The following TSPEAR variants were observed in gnomAD, a reference collection of about 807,000 sequenced individuals.
The protein encoded by TSPEAR is thrombospondin type laminin G domain and EAR repeats, also known as thrombospondin-type laminin G domain and EAR repeat-containing protein.
A neutral mutation model predicts 71.6 loss-of-function variants in TSPEAR; 69 were observed. That is an observed-to-expected ratio of 0.96 (90% CI 0.79 to 1.18). TSPEAR has a LOEUF of 1.18. TSPEAR is among the 50% of genes most tolerant of loss of function. The pLI is 0.00. For synonymous variants in TSPEAR, 402 were observed against 387.2 expected (o/e 1.04, Z -0.45); for missense variants, 971 against 894.9 (o/e 1.09, Z -1.09).
chr21:44,702,843 A>G, intron 1 of TSPEAR: 1 of 944,604 alleles, frequency 1.1e-6, no homozygotes, highest in South Asian at 1.5e-5. Context: ...GGTTCCCCCC[A>G]ACCTCTCCCA....
rs782644109 is a variant in TSPEAR at position 44,509,308 on chromosome 21, C to A, written c.1645G>T (p.Asp549Tyr). 4.3e-6 allele frequency: 7 copies of A among 1,613,952 alleles called. No individual in the cohort carries two copies. Among genetic ancestry groups the A allele is most frequent in the Non-Finnish European group, 5.9e-6 (7 of 1,180,012 alleles). ...FLAVANSHSY[D>Y]VEMQVQNDSY... ...TCATTCTGGACTTGCATCTCCACAT[C>A]GTAGCTGTGACTGTTTGCCACAGCG... Residue 549 changes from aspartate to tyrosine, a missense_variant, in exon 10 of 12, where the codon GAT becomes TAT. Coordinates refer to ENST00000323084, the MANE Select transcript of TSPEAR (RefSeq NM_144991.3).
intron 2 of TSPEAR, chr21:44,539,956 G>A: frequency 1.2e-6 from 2 of 1,613,546 alleles, no homozygotes; most frequent in South Asian, 1.1e-5. Flanking sequence ...ATTGGCAGGG[G>A]CTGGGCTCAC....
chr21:44,638,240 C>G, intron 1 of TSPEAR: 1 of 1,545,160 alleles, frequency 6.5e-7, no homozygotes, highest in Non-Finnish European at 8.7e-7. Context: ...CCAGCAAGCT[C>G]TGCCCTCTCT....
At chr21:44,657,434 A>G (rs1172578684) in intron 1 of TSPEAR, among the ~76,000 whole-genome samples, 2 of 152,232 alleles carry the variant, frequency 1.3e-5, no homozygotes, top group African/African-American at 4.8e-5. Context: ...TTGTGCCACT[A>G]TAGTGCAAAA....
intron 1 of TSPEAR, chr21:44,654,498 G>A: frequency 1.2e-6 from 2 of 1,613,762 alleles, no homozygotes; most frequent in Non-Finnish European, 1.7e-6. Context: ...CCACACAGGG[G>A]GCTGAGCAGC....
intron 1 of TSPEAR, among the ~76,000 whole-genome samples, chr21:44,707,084 C>A (rs2146339291): frequency 6.6e-6 from 1 of 152,360 alleles, no homozygotes; most frequent in East Asian, 1.9e-4. Flanking sequence ...CCCGTGGGGT[C>A]GCCTCCATTT....
At chr21:44,662,662 TAC>T (rs1985556269) in intron 1 of TSPEAR, among the ~76,000 whole-genome samples, 1 of 152,152 alleles carries the variant, frequency 6.6e-6, no homozygotes, top group Non-Finnish European at 1.5e-5. Flanking sequence ...CAATAACAGA[TAC>T]ACATTCTTTT....
chr21:44,615,789 A>G (rs151244081), intron 1 of TSPEAR, among the ~76,000 whole-genome samples: 2 of 152,250 alleles, frequency 1.3e-5, no homozygotes, highest in East Asian at 3.9e-4. Flanking sequence ...AAGCTCCCCA[A>G]ATTGGAATCA....
intron 2 of TSPEAR, among the ~76,000 whole-genome samples, chr21:44,557,316 G>A (rs939142724): frequency 5.3e-5 from 8 of 152,168 alleles, no homozygotes; most frequent in South Asian, 4.1e-4. Context: ...ACAAGGAAAC[G>A]ACACCATGAG....
chr21:44,691,837 G>T (rs1173051623), intron 1 of TSPEAR, among the ~76,000 whole-genome samples: 2 of 152,002 alleles, frequency 1.3e-5, no homozygotes, highest in Non-Finnish European at 2.9e-5. Context: ...AAAATAGAAG[G>T]ATCACTTTCT....
At chr21:44,663,256 T>C (rs1985592093) in intron 1 of TSPEAR, among the ~76,000 whole-genome samples, 2 of 151,820 alleles carry the variant, frequency 1.3e-5, no homozygotes. Flanking sequence ...AAAATAGCAA[T>C]ATTAGGAGTG....
chr21:44,652,075 C>T (rs1555941556), intron 1 of TSPEAR, among the ~76,000 whole-genome samples: 1 of 151,550 alleles, frequency 6.6e-6, no homozygotes, highest in Non-Finnish European at 1.5e-5. Flanking sequence ...GGTCCGCCTC[C>T]CGCGTTCACA....
intron 2 of TSPEAR, among the ~76,000 whole-genome samples, chr21:44,536,553 AAAGGTTTCTACTT>A (rs1244915027): frequency 2.0e-5 from 3 of 152,270 alleles, no homozygotes; most frequent in Non-Finnish European, 4.4e-5. Context: ...TTTAAAAATA[AAAGGTTTCTACTT>A]AAACCCCACA....
At chr21:44,603,063 G>A (rs1328561762) in intron 1 of TSPEAR, among the ~76,000 whole-genome samples, 1 of 42,636 alleles carries the variant, frequency 2.3e-5, no homozygotes, top group Non-Finnish European at 1.2e-4. Context: ...AGGGGGTGGA[G>A]ACAGAGAAGG....
At chr21:44,501,366 C>T (rs782461865) in intron 11 of TSPEAR, among the ~76,000 whole-genome samples, 13 of 152,184 alleles carry the variant, frequency 8.5e-5, no homozygotes, top group African/African-American at 2.6e-4. Flanking sequence ...GAGGCCGAGG[C>T]GGGCAGATCA....
intron 1 of TSPEAR, among the ~76,000 whole-genome samples, chr21:44,622,737 T>C (rs1018088144): frequency 2.8e-4 from 43 of 152,382 alleles, no homozygotes; most frequent in Admixed American, 1.1e-3. Context: ...TCATTTTAAC[T>C]AATTTCATCT....
At chr21:44,604,179 G>A (rs1981164295) in intron 1 of TSPEAR, among the ~76,000 whole-genome samples, 1 of 152,222 alleles carries the variant, frequency 6.6e-6, no homozygotes, top group Non-Finnish European at 1.5e-5. Context: ...GGTCCACAAG[G>A]TAGGGGCGCA....
At chr21:44,644,431 A>C (rs587596352) in intron 1 of TSPEAR, among the ~76,000 whole-genome samples, 10 of 152,346 alleles carry the variant, frequency 6.6e-5, no homozygotes, top group African/African-American at 2.4e-4. Flanking sequence ...ACCTGTACTA[A>C]TAATCACTGA....
intron 2 of TSPEAR, chr21:44,540,184 G>C: frequency 2.5e-6 from 4 of 1,592,014 alleles, no homozygotes; most frequent in Non-Finnish European, 3.4e-6. Context: ...TGCGGGAGGT[G>C]TGAGTGAGTG....
Sources: allele counts gnomAD v4.1 joint callset (sites outside exome capture counted in the v4.1 genomes callset), GRCh38; gene constraint gnomAD v4.1.1; transcripts MANE v1.5; gene names NCBI Gene and HGNC (gene_info 2026-07-23, HGNC 2026-07-21).